The following GHR variants were observed in gnomAD, a reference collection of about 807,000 sequenced individuals.
GHR encodes the protein growth hormone receptor, also known as GH receptor.
In GHR, 35 loss-of-function variants were observed where a neutral mutation model predicts 67.1. That is an observed-to-expected ratio of 0.52 (90% CI 0.40 to 0.69). The LOEUF is 0.69. GHR is among the 30% of genes least tolerant of loss of function. GHR has a pLI of 0.00. For synonymous variants in GHR, 272 were observed against 269.1 expected, an observed-to-expected ratio of 1.01 and a Z score of -0.10; for missense variants, 792 against 764.6, an observed-to-expected ratio of 1.04 and a Z score of -0.42.
At chr5:42,591,522 G>A (rs1230121440) in intron 2 of GHR, among the ~76,000 whole-genome samples, 1 of 152,170 alleles carries the variant, frequency 6.6e-6, no homozygotes, top group Non-Finnish European at 1.5e-5. Flanking sequence ...CAGGGGTGGG[G>A]AAATCTATCA....
chr5:42,506,958 G>T (rs923213118), intron 1 of GHR, among the ~76,000 whole-genome samples: 18 of 152,118 alleles, frequency 1.2e-4, no homozygotes, highest in Admixed American at 1.3e-4. Flanking sequence ...CTAATCTTGG[G>T]TAAATTATAA....
At chr5:42,616,708 G>C (rs1753172529) in intron 2 of GHR, among the ~76,000 whole-genome samples, 1 of 151,068 alleles carries the variant, frequency 6.6e-6, no homozygotes, top group African/African-American at 2.4e-5. Flanking sequence ...ATATTGGAGG[G>C]AAGAGTTTTG....
At chr5:42,465,283 T>C (rs1579748456) in intron 1 of GHR, 1 of 644,174 alleles carries the variant, frequency 1.6e-6, no homozygotes, top group Non-Finnish European at 2.7e-6. Flanking sequence ...TTATACTGAA[T>C]GTGATGATCT....
intron 4 of GHR, among the ~76,000 whole-genome samples, chr5:42,693,491 AC>A (rs1442688272): frequency 6.6e-6 from 1 of 152,060 alleles, no homozygotes; most frequent in Non-Finnish European, 1.5e-5. Context: ...ACTGTCTCAG[AC>A]CCTGGAGTCT....
chr5:42,576,100 A>AAAATAAAATAAAATAAAAT (rs1396306656), intron 2 of GHR, among the ~76,000 whole-genome samples: 443 of 16,040 alleles, frequency 0.028, 25 homozygotes, highest in Middle Eastern at 0.12. Flanking sequence ...AAAATAAAAT[A>AAAATAAAATAAAATAAAAT]AATAAAATAA....
In GHR at chr5:42,589,712, G is replaced by A. The variant is rs539472749; in HGVS notation, c.70+23768G>A. Among the ~76,000 whole-genome samples the A allele has an allele frequency of 9.0e-4, 137 of 152,242 alleles. 1 individual carries two copies. The highest frequency in any genetic ancestry group is 3.0e-3 in the African/African-American group (126 of 41,542). On this transcript the variant is annotated intron_variant, in intron 2 of 9. Coordinates refer to ENST00000230882, the MANE Select transcript of GHR (RefSeq NM_000163.5). ...AGGTCATTTGTGCAACATATAAGAG[G>A]ATTGACAGGTTTCCATGCATGATGC...
At chr5:42,452,280 G>C (rs1325440501) in intron 1 of GHR, among the ~76,000 whole-genome samples, 1 of 152,160 alleles carries the variant, frequency 6.6e-6, no homozygotes, top group African/African-American at 2.4e-5. Flanking sequence ...CTGTTAATCT[G>C]ATAGGTTTTT....
At chr5:42,588,466 G>A (rs1453180616) in intron 2 of GHR, among the ~76,000 whole-genome samples, 3 of 136,106 alleles carry the variant, frequency 2.2e-5, no homozygotes, top group African/African-American at 8.1e-5. Context: ...GTTGCTGTGA[G>A]CGAGATCGCG....
At chr5:42,469,296 G>A (rs1168988915) in intron 1 of GHR, among the ~76,000 whole-genome samples, 13 of 152,202 alleles carry the variant, frequency 8.5e-5, no homozygotes, top group Non-Finnish European at 8.8e-5. Flanking sequence ...TATACAAATA[G>A]TTGATAAAGG....
chr5:42,433,444 G>C (rs1743183145), intron 1 of GHR, among the ~76,000 whole-genome samples: 1 of 152,076 alleles, frequency 6.6e-6, no homozygotes, highest in East Asian at 1.9e-4. Flanking sequence ...AACAGAACAT[G>C]TATTTATCAA....
At chr5:42,677,630 C>G (rs1006730475) in intron 3 of GHR, among the ~76,000 whole-genome samples, 1 of 152,162 alleles carries the variant, frequency 6.6e-6, no homozygotes, top group Non-Finnish European at 1.5e-5. Context: ...CCTCTCAACC[C>G]GCAACCAACA....
intron 1 of GHR, among the ~76,000 whole-genome samples, chr5:42,490,003 A>G (rs1261942816): frequency 2.6e-5 from 4 of 152,332 alleles, no homozygotes; most frequent in South Asian, 4.1e-4. Context: ...GAACATTTTC[A>G]TAAGAGATAT....
intron 1 of GHR, among the ~76,000 whole-genome samples, chr5:42,425,859 T>C (rs1297741935): frequency 2.6e-5 from 4 of 152,208 alleles, no homozygotes; most frequent in Non-Finnish European, 5.9e-5. Flanking sequence ...AAATTATAGT[T>C]ATGGTCTCCT....
At position 42,425,889 on chromosome 5, in the gene GHR, C is replaced by T. The variant is rs77754364; in HGVS notation, c.-12+1934C>T. 3.7e-3 allele frequency among the ~76,000 whole-genome samples: 565 copies of T among 152,288 alleles called. 5 individuals are homozygous for T. Among genetic ancestry groups the T allele is most frequent in the African/African-American group, 0.013 (547 of 41,552 alleles). On this transcript the variant is annotated intron_variant, in intron 1 of 9. Transcript: ENST00000230882. ...TCTCCTGAAGCCCATGGAAAGCCAACACTTAATGGGCAAAGGTGTGAAATG... is the reference window on the plus strand; with the variant it reads ...TCTCCTGAAGCCCATGGAAAGCCAATACTTAATGGGCAAAGGTGTGAAATG...
intron 2 of GHR, among the ~76,000 whole-genome samples, chr5:42,618,707 C>T (rs1275447394): frequency 6.6e-6 from 1 of 152,152 alleles, no homozygotes; most frequent in Non-Finnish European, 1.5e-5. Context: ...AGGCATTCTG[C>T]TCAGTACTTC....
At chr5:42,508,667 G>C (rs1003468346) in intron 1 of GHR, among the ~76,000 whole-genome samples, 1 of 152,118 alleles carries the variant, frequency 6.6e-6, no homozygotes, top group South Asian at 2.1e-4. Flanking sequence ...TGCGCCTCCC[G>C]AGTTCACGCC....
intron 1 of GHR, among the ~76,000 whole-genome samples, chr5:42,472,750 G>A (rs1027073608): frequency 2.0e-5 from 3 of 152,182 alleles, no homozygotes; most frequent in African/African-American, 7.2e-5. Flanking sequence ...AAGGGAAAGA[G>A]CTTCTTGTGA....
intron 2 of GHR, among the ~76,000 whole-genome samples, chr5:42,601,516 T>C (rs1307225886): frequency 6.6e-6 from 1 of 152,186 alleles, no homozygotes; most frequent in Admixed American, 6.5e-5. Flanking sequence ...CAATAATAGT[T>C]ATATTTTTCT....
intron 1 of GHR, among the ~76,000 whole-genome samples, chr5:42,433,077 G>C (rs1048019796): frequency 6.6e-6 from 1 of 152,200 alleles, no homozygotes; most frequent in Non-Finnish European, 1.5e-5. Flanking sequence ...GGTGTATGCT[G>C]TTCACAGCCT....
Sources: allele counts gnomAD v4.1 joint callset (sites outside exome capture counted in the v4.1 genomes callset), GRCh38; gene constraint gnomAD v4.1.1; transcripts MANE v1.5; gene names NCBI Gene and HGNC (gene_info 2026-07-23, HGNC 2026-07-21).